The following MLC1 variants were observed in gnomAD, a reference collection of about 807,000 sequenced individuals.
MLC1 encodes modulator of VRAC current 1.
In MLC1, 32 loss-of-function variants were observed where a neutral mutation model predicts 44.7. That is an observed-to-expected ratio of 0.72 (90% CI 0.54 to 0.96). The LOEUF (loss-of-function observed/expected upper bound fraction) is 0.96, where lower values mean the gene tolerates loss of function less well. Ranked by LOEUF, MLC1 falls within the 40% of genes least tolerant of loss-of-function variation. The pLI is 0.00. For synonymous variants in MLC1, 190 were observed against 213.0 expected, an observed-to-expected ratio of 0.89 and a Z score of 0.94; for missense variants, 459 against 492.2, an observed-to-expected ratio of 0.93 and a Z score of 0.64.
At chr22:50,068,330 C>A (rs898628400) in intron 10 of MLC1, 103 bp downstream of exon 10, 1 of 1,495,518 alleles carries the variant, frequency 6.7e-7, no homozygotes, top group South Asian at 1.1e-5. Context: ...TGGAGCTGTC[C>A]CTGGAGCCAG....
chr22:50,080,312 C>T (rs1295377372), intron 4 of MLC1, 32 bp downstream of exon 4: 1 of 1,594,722 alleles, frequency 6.3e-7, no homozygotes, highest in Non-Finnish European at 8.5e-7. Flanking sequence ...CGGCTTTCTC[C>T]CTGGCAGAGG....
intron 10 of MLC1, among the ~76,000 whole-genome samples, chr22:50,064,687 G>T (rs2061666738): frequency 6.6e-6 from 1 of 152,174 alleles, no homozygotes; most frequent in Non-Finnish European, 1.5e-5. Context: ...GAAGGAAGGG[G>T]CAGGAGGCAG....
At chr22:50,081,020 A>AGAAAGAAAG (rs1169823121) in intron 3 of MLC1, among the ~76,000 whole-genome samples, 1 of 142,864 alleles carries the variant, frequency 7.0e-6, no homozygotes. Flanking sequence ...AAAGAAAGAA[A>AGAAAGAAAG]GAAAGAAAGA....
chr22:50,081,009 A>AAAAGAAAGAAAGATAGAAAGAAAG, intron 3 of MLC1, among the ~76,000 whole-genome samples: 1 of 96,740 alleles, frequency 1.0e-5, no homozygotes, highest in East Asian at 2.8e-4. Flanking sequence ...TTGTCTCAAA[A>AAAAGAAAGAAAGATAGAAAGAAAG]AAAGAAAGAA....
Position 50,074,297 on chromosome 22 carries a change from G to A in MLC1, c.633C>T (p.Leu211=), listed in dbSNP as rs150349924. Residue 211 remains leucine, a synonymous_variant, in exon 8 of 12, where the codon CTC becomes CTT. Coordinates refer to ENST00000311597, the MANE Select transcript of MLC1 (RefSeq NM_015166.4). ...CCACGTTCAGGGCAATGATCCCCCC[G>A]AGGACGGCAGAGATGCCTGCGATTA... is the stretch of plus-strand genomic sequence containing the variant. ...VEVIAGISAV[L]GGIIALNVDD... is the part of the protein sequence containing the mutation. 6.9e-5 allele frequency: 111 copies of A among 1,614,098 alleles called. No homozygotes were observed. Among genetic ancestry groups the A allele is most frequent in the African/African-American group, 1.5e-4 (11 of 75,052 alleles).
At chr22:50,081,009 A>AAACG (rs1555967987) in intron 3 of MLC1, among the ~76,000 whole-genome samples, 1 of 96,740 alleles carries the variant, frequency 1.0e-5, no homozygotes, top group African/African-American at 4.5e-5. Flanking sequence ...TTGTCTCAAA[A>AAACG]AAAGAAAGAA....
At chr22:50,082,273 C>T (rs929497314) in intron 3 of MLC1, among the ~76,000 whole-genome samples, 1 of 151,898 alleles carries the variant, frequency 6.6e-6, no homozygotes, top group Non-Finnish European at 1.5e-5. Context: ...GGGTCCATGG[C>T]TTGCGGGCCA....
intron 3 of MLC1, among the ~76,000 whole-genome samples, chr22:50,080,705 G>A (rs1343575084): frequency 6.6e-6 from 1 of 152,114 alleles, no homozygotes; most frequent in Non-Finnish European, 1.5e-5. Flanking sequence ...CAACCCCCAG[G>A]TACTTCAAAA....
At chr22:50,070,448 T>A in intron 9 of MLC1, 79 bp downstream of exon 9, 1 of 1,334,132 alleles carries the variant, frequency 7.5e-7, no homozygotes, top group Non-Finnish European at 1.1e-6. Flanking sequence ...CCTGGTCACA[T>A]GGCACCAAGG....
intron 7 of MLC1, among the ~76,000 whole-genome samples, chr22:50,075,272 G>C (rs561381123): frequency 1.3e-5 from 2 of 152,320 alleles, no homozygotes; most frequent in East Asian, 3.9e-4. Flanking sequence ...CTCCCGTGAA[G>C]GATCTCTGTG....
chr22:50,085,134 C>T (rs887799089), intron 1 of MLC1, 173 bp from the exon 2 acceptor site: 36 of 1,407,402 alleles, frequency 2.6e-5, no homozygotes, highest in South Asian at 3.0e-5. Flanking sequence ...CCTAGAAAAA[C>T]GGACCTGAAT....
chr22:50,070,954 A>T (rs1368838268), intron 8 of MLC1, among the ~76,000 whole-genome samples: 2 of 152,130 alleles, frequency 1.3e-5, no homozygotes, highest in Non-Finnish European at 2.9e-5. Context: ...AACACCTGAG[A>T]GTGCTGGCTG....
chr22:50,084,464 C>A (rs1290824707), intron 2 of MLC1, among the ~76,000 whole-genome samples: 1 of 152,192 alleles, frequency 6.6e-6, no homozygotes, highest in Non-Finnish European at 1.5e-5. Context: ...CATTCATGGC[C>A]CTGGGACTGT....
At chr22:50,074,702 G>A (rs984596327) in intron 7 of MLC1, 25 of 324,112 alleles carry the variant, frequency 7.7e-5, no homozygotes, top group African/African-American at 3.9e-4. Flanking sequence ...GGACCCCATC[G>A]AAGGGACTCG....
chr22:50,079,756 A>T (rs1411406608), intron 5 of MLC1, among the ~76,000 whole-genome samples, 162 bp downstream of exon 5: 1 of 152,114 alleles, frequency 6.6e-6, no homozygotes, highest in African/African-American at 2.4e-5. Context: ...CAATAAAGAC[A>T]ATTATTTTCT....
At chr22:50,075,138 C>G (rs56114327) in intron 7 of MLC1, among the ~76,000 whole-genome samples, 3 of 148,170 alleles carry the variant, frequency 2.0e-5, no homozygotes, top group African/African-American at 7.4e-5. Flanking sequence ...AGGGAGGGGC[C>G]GCAACCAGCA....
chr22:50,063,883 CTGCAGGCCACTCACCT>C, intron 11 of MLC1, 135 bp downstream of exon 11: 9 of 824,858 alleles, frequency 1.1e-5, no homozygotes, highest in Non-Finnish European at 1.0e-5. Context: ...CCCCCTCCCC[CTGCAGGCCACTCACCT>C]CCCCGGCTGG....
intron 8 of MLC1, 107 bp downstream of exon 8, chr22:50,074,108 TG>T: frequency 2.2e-6 from 2 of 902,268 alleles, no homozygotes; most frequent in Non-Finnish European, 3.6e-6. Flanking sequence ...GGACCCTCTG[TG>T]GTGACTCTCT....
At position 50,076,837 on chromosome 22, in the gene MLC1, T is replaced by C; in HGVS notation, c.597+4A>G. On this transcript the variant is annotated splice_donor_region_variant and intron_variant, in intron 7 of 11. Coordinates refer to ENST00000311597, the MANE Select transcript of MLC1 (RefSeq NM_015166.4). ...GAAAAGAGAAAGAAGGGAAGTTTTC[T>C]TACTGAGTAAGATTTCAGGACCCGA... 1.2e-6 allele frequency: 2 copies of C among 1,613,698 alleles called. No individual in the cohort carries two copies. The highest frequency in any genetic ancestry group is 1.7e-6 in the Non-Finnish European group (2 of 1,179,626).
Sources: gnomAD v4.1 joint callset for allele counts (sites outside exome capture counted in the v4.1 genomes callset) on GRCh38, gnomAD v4.1.1 for gene constraint, MANE v1.5 for transcripts, NCBI Gene and HGNC (gene_info 2026-07-23, HGNC 2026-07-21) for gene names.